Variants in CYP2A6 observed in about 807,000 individuals in gnomAD.
CYP2A6 encodes cytochrome P450 family 2 subfamily A member 6.
In CYP2A6, 27 loss-of-function variants were observed where a neutral mutation model predicts 42.3. That is an observed-to-expected ratio of 0.64 (90% CI 0.47 to 0.88). CYP2A6 has a LOEUF of 0.88. Ranked by LOEUF, CYP2A6 falls within the 40% of genes least tolerant of loss-of-function variation. The pLI is 0.00. For synonymous variants in CYP2A6, 238 were observed against 246.3 expected, an observed-to-expected ratio of 0.97 and a Z score of 0.31; for missense variants, 628 against 646.0, an observed-to-expected ratio of 0.97 and a Z score of 0.30.
Position 40,848,618 on chromosome 19 carries a change from A to C in CYP2A6, c.489T>G (p.Thr163=), listed in dbSNP as rs752606164. 8.7e-6 allele frequency: 14 copies of C among 1,610,902 alleles called. No homozygotes were observed. The highest frequency in any genetic ancestry group is 3.3e-5 in the Admixed American group (2 of 59,948). The change falls in exon 3 of 9, where the codon ACT becomes ACG. Residue 163 remains threonine (T), a synonymous_variant. Transcript: ENST00000301141. ...CACTCGGGGTCCCCTGCTCACCGCC[A>C]GTGCCCCGGAGGGCGTCGATGAGGA... ...AGFLIDALRG[T]GGANIDPTFF...
intron 5 of CYP2A6, 59 bp downstream of exon 5, chr19:40,846,816 C>G: frequency 6.3e-7 from 1 of 1,594,796 alleles, no homozygotes; most frequent in Middle Eastern, 1.7e-4. Context: ...TGCCCCACTC[C>G]CAGACTGATT....
At chr19:40,847,088 G>C in intron 4 of CYP2A6, 37 bp from the exon 5 acceptor site, 1 of 1,602,032 alleles carries the variant, frequency 6.2e-7, no homozygotes, top group African/African-American at 1.3e-5. Context: ...GGGAAGGACA[G>C]CTGTCACGGG....
In CYP2A6 at chr19:40,844,707, C is replaced by T. The variant is rs150476660; in HGVS notation, c.1227G>A (p.Gln409=). The change falls in exon 8 of 9, where the codon CAG becomes CAA. Residue 409 remains glutamine, a synonymous_variant. Coordinates refer to ENST00000301141, the MANE Select transcript of CYP2A6 (RefSeq NM_000762.6). ...TCAGGAAGTGCTGGGGATTGAAGTC[C>T]TGGGGGTTGGAGAAGAAACTGGGGT... ...LRDPSFFSNP[Q]DFNPQHFLNE... 3 of 1,611,552 alleles carry T rather than the reference C, an allele frequency of 1.9e-6. No homozygotes were observed. Among genetic ancestry groups the T allele is most frequent in the African/African-American group, 1.3e-5 (1 of 74,560 alleles).
Position 40,849,677 on chromosome 19 carries a change from A to G in CYP2A6, c.343+141T>C, listed in dbSNP as rs142944774. The G allele has an allele frequency of 2.8e-4, 413 of 1,477,510 alleles. 7 individuals carry two copies. The African/African-American group carries it at 4.9e-3, about 17-fold the overall frequency. 91.5% of individuals were successfully genotyped at this position (1,477,510 alleles called of 1,614,324 possible). On this transcript the variant is annotated intron_variant, in intron 2 of 8. Coordinates refer to ENST00000301141, the MANE Select transcript of CYP2A6 (RefSeq NM_000762.6). ...TGAGGGATACACATGGAGAGGCCAC[A>G]ATGAAGGGAGATGGGGAGGGAAGAC...
chr19:40,845,405 G>C lies in CYP2A6; in HGVS notation c.1050C>G (p.Pro350=). Residue 350 remains proline (P), a synonymous_variant, in exon 7 of 9, where the codon CCC becomes CCG. Coordinates refer to ENST00000301141, the MANE Select transcript of CYP2A6 (RefSeq NM_000762.6). Reference sequence around the variant, plus strand: ...TCTCGTGGATCACTGCCTCCATGTAGGGCATCTTGGCCCGGTCCTCAAACT... The same window carrying C: ...TCTCGTGGATCACTGCCTCCATGTACGGCATCTTGGCCCGGTCCTCAAACT... ...QPKFEDRAKM[P]YMEAVIHEIQ... is the part of the protein sequence containing the mutation. The C allele has an allele frequency of 6.2e-7, 1 of 1,611,808 alleles. No individual in the cohort carries two copies. The highest frequency in any genetic ancestry group is 2.3e-5 in the East Asian group (1 of 43,410).
intron 5 of CYP2A6, among the ~76,000 whole-genome samples, chr19:40,846,421 AG>A (rs1967100753): frequency 6.6e-6 from 1 of 151,078 alleles, no homozygotes; most frequent in Non-Finnish European, 1.5e-5. Context: ...CCTGAGCTCA[AG>A]CAATCCTCCA....
At position 40,848,648 on chromosome 19, in the gene CYP2A6, C is replaced by T. The variant is rs28399441; in HGVS notation, c.459G>A (p.Ala153=). ...RGIEERIQEE[A]GFLIDALRGT... The stretch of plus-strand genomic sequence containing the variant: ...CCCGGAGGGCGTCGATGAGGAAGCC[C>T]GCCTCCTCCTGGATGCGCTCCTCGA... Residue 153 remains alanine, a synonymous_variant, in exon 3 of 9, where the codon GCG becomes GCA. Transcript: ENST00000301141. 12,323 of 1,611,626 alleles carry T rather than the reference C, an allele frequency of 7.6e-3. 827 individuals are homozygous for T. In the African/African-American group the frequency reaches 0.14, roughly 18 times the overall value.
intron 7 of CYP2A6, 94 bp downstream of exon 7, chr19:40,845,200 C>G (rs1474119215): frequency 2.0e-6 from 3 of 1,515,294 alleles, no homozygotes; most frequent in African/African-American, 1.4e-5. Flanking sequence ...GGGAGTGGGA[C>G]AGGGTCTAGA....
intron 2 of CYP2A6, 95 bp downstream of exon 2, chr19:40,849,723 A>G: frequency 3.8e-6 from 6 of 1,574,180 alleles, no homozygotes; most frequent in Non-Finnish European, 5.2e-6. Flanking sequence ...ACTCTGCCTT[A>G]GCCTCCAGTT....
intron 7 of CYP2A6, chr19:40,845,015 C>T: frequency 1.5e-6 from 1 of 656,164 alleles, no homozygotes; most frequent in East Asian, 3.1e-5. Context: ...GATTTCTGTC[C>T]CTATGACAAA....
chr19:40,849,799 C>G lies in CYP2A6; in HGVS notation c.343+19G>C. 1.2e-6 allele frequency: 2 copies of G among 1,604,128 alleles called. No individual in the cohort carries two copies. The highest frequency in any genetic ancestry group is 1.1e-5 in the South Asian group (1 of 90,010). On this transcript the variant is annotated intron_variant, in intron 2 of 8. Transcript: ENST00000301141. Reference sequence around the variant, plus strand: ...TCGTGTCCACCTGGCCACCTTCCCCCTCTTGGGCACCCCCTCACCATAGCC... The same window carrying G: ...TCGTGTCCACCTGGCCACCTTCCCCGTCTTGGGCACCCCCTCACCATAGCC...
chr19:40,846,500 C>A (rs1334666209), intron 5 of CYP2A6, among the ~76,000 whole-genome samples: 2 of 151,348 alleles, frequency 1.3e-5, no homozygotes, highest in Non-Finnish European at 1.5e-5. Context: ...ACTTTTTAAA[C>A]AATTAATTAA....
At chr19:40,849,247 G>A (rs1967178242) in intron 2 of CYP2A6, among the ~76,000 whole-genome samples, 1 of 150,854 alleles carries the variant, frequency 6.6e-6, no homozygotes, top group African/African-American at 2.4e-5. Context: ...GAGGGGAAGT[G>A]AGATATGGGG....
At chr19:40,848,468 G>A in intron 3 of CYP2A6, 89 bp from the exon 4 acceptor site, 1 of 1,590,732 alleles carries the variant, frequency 6.3e-7, no homozygotes, top group South Asian at 1.1e-5. Flanking sequence ...GGGCCTTGTT[G>A]AGCCAAATTC....
rs145393137 is a variant in CYP2A6 at position 40,848,265 on chromosome 19, C to T, written c.608G>A (p.Arg203His). The T allele has an allele frequency of 3.7e-4, 593 of 1,611,792 alleles. 19 individuals are homozygous for T. In the African/African-American group the frequency reaches 7.3e-3, roughly 20 times the overall value. Residue 203 changes from arginine (R) to histidine (H), a missense_variant, in exon 4 of 9, where the codon CGC becomes CAC. Arg to His is a conservative substitution (Grantham distance 29). This residue lies in a region of CYP2A6 where 606 missense variants were observed against 568.1 expected (regional missense o/e 1.07). Coordinates refer to ENST00000301141, the MANE Select transcript of CYP2A6 (RefSeq NM_000762.6). ...GAACTGGAAGATTCCTAGCATCATGCGCAACAGTGACAGGAACTCTTTGTC... is the reference window on the plus strand; with the variant it reads ...GAACTGGAAGATTCCTAGCATCATGTGCAACAGTGACAGGAACTCTTTGTC... ...YKDKEFLSLLRMMLGIFQFTS... is the reference protein window; with the variant it reads ...YKDKEFLSLLHMMLGIFQFTS...
chr19:40,847,929 T>C (rs1241874649), intron 4 of CYP2A6, among the ~76,000 whole-genome samples: 2 of 151,700 alleles, frequency 1.3e-5, no homozygotes, highest in African/African-American at 4.8e-5. Flanking sequence ...TTACGGTAAG[T>C]TGGGGATGGG....
intron 2 of CYP2A6, among the ~76,000 whole-genome samples, chr19:40,849,061 AGAGAG>A (rs1967172176): frequency 7.2e-6 from 1 of 139,248 alleles, no homozygotes; most frequent in Non-Finnish European, 1.6e-5. Context: ...AGAGAGAGAG[AGAGAG>A]AGAGAGAGAG....
intron 4 of CYP2A6, among the ~76,000 whole-genome samples, chr19:40,847,590 T>A (rs371558937): frequency 7.9e-5 from 12 of 151,162 alleles, no homozygotes; most frequent in South Asian, 2.1e-4. Flanking sequence ...TGGGATGCAC[T>A]GGGAGCACCT....
intron 7 of CYP2A6, chr19:40,845,077 A>T (rs2083448815): frequency 3.0e-6 from 2 of 663,042 alleles, no homozygotes; most frequent in Non-Finnish European, 5.1e-6. Flanking sequence ...GTTTGGGAAC[A>T]TGTGTTTGAT....
Sources: gnomAD v4.1 joint callset for allele counts (sites outside exome capture counted in the v4.1 genomes callset) on GRCh38, gnomAD v4.1.1 for gene constraint, gnomAD v4.1.1 regional missense constraint, MANE v1.5 for transcripts, NCBI Gene and HGNC (gene_info 2026-07-23, HGNC 2026-07-21) for gene names.